TMEM132C: variants seen among roughly 807,000 people sequenced by gnomAD.
TMEM132C encodes protein phosphatase 1, regulatory subunit 152.
Under a neutral mutation model 61.4 loss-of-function variants are expected in TMEM132C, and 29 were observed. The ratio of observed to expected loss-of-function variants is 0.47; its 90% CI spans 0.35 to 0.64. TMEM132C has a LOEUF of 0.64. TMEM132C is among the 30% of genes least tolerant of loss of function. TMEM132C has a pLI of 0.00. For missense variants in TMEM132C, 1,408 were observed against 1,476.9 expected, an observed-to-expected ratio of 0.95 and a Z score of 0.76; for synonymous variants, 656 against 633.1, an observed-to-expected ratio of 1.04 and a Z score of -0.54.
chr12:128,695,667 A>G (rs933847284), intron 6 of TMEM132C, among the ~76,000 whole-genome samples, 163 bp from the exon 7 acceptor site: 15 of 152,224 alleles, frequency 9.9e-5, no homozygotes, highest in African/African-American at 3.6e-4. Context: ...AGAGATGCCC[A>G]TCACTTAGTG....
At chr12:128,293,061 A>G (rs1705334966) in intron 1 of TMEM132C, among the ~76,000 whole-genome samples, 1 of 151,496 alleles carries the variant, frequency 6.6e-6, no homozygotes, top group Non-Finnish European at 1.5e-5. Context: ...CAGCAAGATA[A>G]TAGTTCAGCT....
chr12:128,364,325 G>A (rs7957866), intron 1 of TMEM132C, among the ~76,000 whole-genome samples: 231 of 19,730 alleles, frequency 0.012, 2 homozygotes, highest in Middle Eastern at 0.12. Context: ...TCCCCTCCCC[G>A]CCCCCGCATC....
At chr12:128,703,508 GGT>G (rs372550071) in intron 8 of TMEM132C, among the ~76,000 whole-genome samples, 1 of 152,158 alleles carries the variant, frequency 6.6e-6, no homozygotes, top group Non-Finnish European at 1.5e-5. Flanking sequence ...AGTATTCCAC[GGT>G]GTGTGTGTAC....
chr12:128,677,559 C>A (rs1020792167), intron 5 of TMEM132C, among the ~76,000 whole-genome samples: 3 of 152,030 alleles, frequency 2.0e-5, no homozygotes, highest in African/African-American at 7.2e-5. Context: ...AATGCCTGTA[C>A]CTGGCTGTAC....
intron 4 of TMEM132C, among the ~76,000 whole-genome samples, chr12:128,638,983 G>GTGGTGA (rs1157157379): frequency 2.1e-5 from 1 of 46,690 alleles, no homozygotes; most frequent in African/African-American, 7.1e-5. Flanking sequence ...GGTGATGATG[G>GTGGTGA]TGGTGATGGT....
chr12:128,604,422 TAGATAGATAGATAGATAGA>T (rs1227262311), intron 3 of TMEM132C, among the ~76,000 whole-genome samples: 1 of 149,634 alleles, frequency 6.7e-6, no homozygotes, highest in African/African-American at 2.5e-5. Context: ...GATAGATAGA[TAGATAGATAGATAGATAGA>T]TAGATAGATA....
intron 1 of TMEM132C, among the ~76,000 whole-genome samples, chr12:128,277,389 A>C (rs1870729293): frequency 6.6e-6 from 1 of 152,178 alleles, no homozygotes; most frequent in Non-Finnish European, 1.5e-5. Flanking sequence ...CAGCACCTCC[A>C]GGCTTATATT....
intron 4 of TMEM132C, among the ~76,000 whole-genome samples, chr12:128,664,523 C>G (rs1457051348): frequency 1.3e-5 from 2 of 152,196 alleles, no homozygotes; most frequent in Non-Finnish European, 2.9e-5. Flanking sequence ...ATACAAAAAG[C>G]TTCCAAGTCA....
chr12:128,401,180 A>G (rs774179992), intron 1 of TMEM132C, among the ~76,000 whole-genome samples: 1 of 152,216 alleles, frequency 6.6e-6, no homozygotes, highest in African/African-American at 2.4e-5. Context: ...GTACCTATAT[A>G]GAATGTTGAT....
At chr12:128,670,437 C>G (rs1381947480) in intron 5 of TMEM132C, among the ~76,000 whole-genome samples, 1 of 152,172 alleles carries the variant, frequency 6.6e-6, no homozygotes, top group Non-Finnish European at 1.5e-5. Flanking sequence ...CAACTGTCCC[C>G]TTACCCATCC....
At chr12:128,687,178 G>A (rs1954683630) in intron 5 of TMEM132C, among the ~76,000 whole-genome samples, 1 of 134,990 alleles carries the variant, frequency 7.4e-6, no homozygotes, top group Non-Finnish European at 1.5e-5. Flanking sequence ...CTCCAGCCTG[G>A]GTGACAGAGC....
chr12:128,343,327 G>A (rs1873038597), intron 1 of TMEM132C, among the ~76,000 whole-genome samples: 1 of 151,718 alleles, frequency 6.6e-6, no homozygotes, highest in Admixed American at 6.6e-5. Context: ...AGGAGGCTGA[G>A]GCAGGAGAAT....
chr12:128,368,593 G>A (rs1012113623), intron 1 of TMEM132C, among the ~76,000 whole-genome samples: 1 of 152,212 alleles, frequency 6.6e-6, no homozygotes, highest in African/African-American at 2.4e-5. Flanking sequence ...GCAAAGGAGG[G>A]TGGGCATGAA....
intron 3 of TMEM132C, among the ~76,000 whole-genome samples, chr12:128,568,892 C>G (rs1330673104): frequency 6.6e-6 from 1 of 152,184 alleles, no homozygotes; most frequent in Non-Finnish European, 1.5e-5. Flanking sequence ...ACCATGGGTT[C>G]TTTATGCAAT....
At chr12:128,279,513 C>G (rs955301189) in intron 1 of TMEM132C, among the ~76,000 whole-genome samples, 5 of 152,200 alleles carry the variant, frequency 3.3e-5, no homozygotes, top group African/African-American at 1.2e-4. Flanking sequence ...ACAAGGCGCT[C>G]TGTAATCTCT....
intron 4 of TMEM132C, among the ~76,000 whole-genome samples, chr12:128,640,516 T>C (rs1273540059): frequency 6.6e-6 from 1 of 151,980 alleles, no homozygotes; most frequent in African/African-American, 2.4e-5. Context: ...AGAGTTTCTT[T>C]TGGGGGTGAT....
intron 4 of TMEM132C, among the ~76,000 whole-genome samples, chr12:128,622,360 A>AAAAATATATAT (rs1277080166): frequency 1.3e-4 from 4 of 30,112 alleles, no homozygotes; most frequent in African/African-American, 5.0e-4. Flanking sequence ...AAAAAAAAAA[A>AAAAATATATAT]ATATATATAT....
At chr12:128,601,216 C>T (rs1019435402) in intron 3 of TMEM132C, among the ~76,000 whole-genome samples, 2 of 152,146 alleles carry the variant, frequency 1.3e-5, no homozygotes, top group South Asian at 4.1e-4. Context: ...TCAAAGGATG[C>T]GTCTGTCCTC....
intron 4 of TMEM132C, among the ~76,000 whole-genome samples, chr12:128,665,565 A>C (rs571972602): frequency 8.5e-4 from 129 of 151,396 alleles, no homozygotes; most frequent in Non-Finnish European, 1.5e-3. Context: ...GCGCACACAC[A>C]CACACAGGCA....
Sources: allele counts gnomAD v4.1 joint callset (sites outside exome capture counted in the v4.1 genomes callset), GRCh38; gene constraint gnomAD v4.1.1; transcripts MANE v1.5; gene names NCBI Gene and HGNC (gene_info 2026-07-23, HGNC 2026-07-21).